MTA3: variants seen among roughly 807,000 people sequenced by gnomAD.
MTA3 encodes the protein metastasis-associated protein MTA3.
A neutral mutation model predicts 83.5 loss-of-function variants in MTA3; 34 were observed. That is an observed-to-expected ratio of 0.41 (90% CI 0.31 to 0.54). The LOEUF (loss-of-function observed/expected upper bound fraction) is 0.54, where lower values mean the gene tolerates loss of function less well. Among genes scored for constraint, MTA3 ranks in the 20% least tolerant of loss-of-function variants. The probability of loss-of-function intolerance (pLI) is 0.33; values close to 1 mark genes in which losing one functional copy is unlikely to be tolerated. For missense variants in MTA3, 761 were observed against 726.4 expected (o/e 1.05, Z -0.55); for synonymous variants, 303 against 252.7 (o/e 1.20, Z -1.89).
intron 6 of MTA3, among the ~76,000 whole-genome samples, chr2:42,651,447 G>A (rs888337612): frequency 6.6e-6 from 1 of 152,096 alleles, no homozygotes; most frequent in African/African-American, 2.4e-5. Context: ...TCAAAGAAGA[G>A]CCAGATGATG....
At chr2:42,527,932 T>C (rs1001310149) in intron 2 of MTA3, among the ~76,000 whole-genome samples, 4 of 152,180 alleles carry the variant, frequency 2.6e-5, no homozygotes, top group African/African-American at 7.2e-5. Context: ...CTTTTTCTTT[T>C]CTTTTTTGAG....
chr2:42,553,120 A>T (rs1291459594), intron 2 of MTA3, among the ~76,000 whole-genome samples: 4 of 151,724 alleles, frequency 2.6e-5, no homozygotes, highest in Admixed American at 6.6e-5. Context: ...CTACAAAAAA[A>T]TTTTTAAAAA....
Position 42,609,628 on chromosome 2 carries a change from C to G in MTA3, c.317+44C>G, listed in dbSNP as rs759211834. The G allele has an allele frequency of 1.5e-5, 23 of 1,539,966 alleles. No individual in the cohort carries two copies. In the East Asian group the frequency reaches 5.2e-4, roughly 35 times the overall value. On this transcript the variant is annotated intron_variant, in intron 4 of 16. Transcript: ENST00000405094. ...CTAAGGTACTCAGTACTACGGTGAC[C>G]AAAAAACAAAAGACTTCTTTGAAGC...
chr2:42,506,334 ATCCCAGCCAC>A (rs1674626416), intron 2 of MTA3, among the ~76,000 whole-genome samples: 2 of 151,856 alleles, frequency 1.3e-5, no homozygotes, highest in African/African-American at 4.8e-5. Flanking sequence ...TATGCCTGTG[ATCCCAGCCAC>A]TCAGAATGCT....
At chr2:42,668,126 A>T (rs796667473) in intron 8 of MTA3, among the ~76,000 whole-genome samples, 10 of 152,280 alleles carry the variant, frequency 6.6e-5, no homozygotes, top group African/African-American at 2.4e-4. Context: ...CCACACTATG[A>T]GTTGCTGATA....
intron 2 of MTA3, among the ~76,000 whole-genome samples, chr2:42,527,888 G>A (rs759000848): frequency 1.3e-5 from 2 of 150,884 alleles, no homozygotes; most frequent in Non-Finnish European, 2.9e-5. Context: ...TCCTCCATGA[G>A]ATAGCATGAG....
chr2:42,711,631 G>T (rs1211527434), intron 14 of MTA3, among the ~76,000 whole-genome samples: 1 of 152,030 alleles, frequency 6.6e-6, no homozygotes, highest in African/African-American at 2.4e-5. Flanking sequence ...AATTGATTAT[G>T]CTATCATCTC....
intron 2 of MTA3, among the ~76,000 whole-genome samples, chr2:42,504,081 G>A (rs1236723335): frequency 6.6e-6 from 1 of 151,638 alleles, no homozygotes; most frequent in African/African-American, 2.4e-5. Flanking sequence ...CTGTCACCAC[G>A]CCCAGCCCAG....
chr2:42,665,137 C>G (rs1441790034), intron 8 of MTA3, among the ~76,000 whole-genome samples: 1 of 152,182 alleles, frequency 6.6e-6, no homozygotes, highest in Non-Finnish European at 1.5e-5. Context: ...GTGTGGCTCA[C>G]GCCTGTAATC....
chr2:42,738,971 C>T (rs1486457241), intron 16 of MTA3, among the ~76,000 whole-genome samples: 13 of 151,798 alleles, frequency 8.6e-5, no homozygotes, highest in East Asian at 5.8e-4. Context: ...CAATGGTGCC[C>T]GAAACTTCAT....
chr2:42,702,713 T>C (rs929815788), intron 11 of MTA3: 2 of 152,228 alleles, frequency 1.3e-5, no homozygotes, highest in Non-Finnish European at 2.9e-5. Context: ...TATTAGGCAC[T>C]GAACAAATAC....
chr2:42,519,965 A>G (rs1370584020), intron 2 of MTA3, among the ~76,000 whole-genome samples: 1 of 151,834 alleles, frequency 6.6e-6, no homozygotes, highest in Non-Finnish European at 1.5e-5. Flanking sequence ...TGGCTTGCGC[A>G]TAGGAGGTGG....
chr2:42,509,393 C>A (rs2103663695), intron 2 of MTA3, among the ~76,000 whole-genome samples: 1 of 152,216 alleles, frequency 6.6e-6, no homozygotes, highest in African/African-American at 2.4e-5. Context: ...TGTTCACTTC[C>A]TTTGAGAGCA....
chr2:42,665,263 G>A (rs1301120617), intron 8 of MTA3, among the ~76,000 whole-genome samples: 6 of 152,208 alleles, frequency 3.9e-5, no homozygotes, highest in African/African-American at 1.2e-4. Flanking sequence ...GTGGTGGCAC[G>A]TGCCTGTAGT....
chr2:42,589,795 G>T (rs1034993786), intron 3 of MTA3, among the ~76,000 whole-genome samples: 21 of 152,124 alleles, frequency 1.4e-4, no homozygotes, highest in Non-Finnish European at 2.2e-4. Flanking sequence ...AAACCCTACT[G>T]TGAAACTTTT....
chr2:42,647,913 A>G (rs1039703962), intron 6 of MTA3, among the ~76,000 whole-genome samples: 4 of 152,096 alleles, frequency 2.6e-5, no homozygotes, highest in Non-Finnish European at 5.9e-5. Context: ...ATCTCGGCTC[A>G]TTGCAACCTC....
At chr2:42,589,530 A>C (rs887397251) in intron 3 of MTA3, among the ~76,000 whole-genome samples, 1 of 152,164 alleles carries the variant, frequency 6.6e-6, no homozygotes, top group Non-Finnish European at 1.5e-5. Flanking sequence ...AGTACTGTAC[A>C]TCTGTAAGGT....
At chr2:42,678,960 T>G (rs1478030001) in intron 8 of MTA3, among the ~76,000 whole-genome samples, 1 of 152,186 alleles carries the variant, frequency 6.6e-6, no homozygotes, top group Non-Finnish European at 1.5e-5. Flanking sequence ...ACATACATTC[T>G]CATTTGACCC....
At chr2:42,513,837 A>G (rs942527504) in intron 2 of MTA3, among the ~76,000 whole-genome samples, 5 of 152,218 alleles carry the variant, frequency 3.3e-5, no homozygotes, top group African/African-American at 1.2e-4. Context: ...AAAGCCCTGG[A>G]AGGATTTCAG....
Sources: allele counts gnomAD v4.1 joint callset (sites outside exome capture counted in the v4.1 genomes callset), GRCh38; gene constraint gnomAD v4.1.1; transcripts MANE v1.5; gene names NCBI Gene and HGNC (gene_info 2026-07-23, HGNC 2026-07-21).